ZNF607: variants seen among roughly 807,000 people sequenced by gnomAD.
The protein encoded by ZNF607 is zinc finger protein 607.
A neutral mutation model predicts 12.8 loss-of-function variants in ZNF607; 5 were observed. The ratio of observed to expected loss-of-function variants is 0.39; its 90% CI spans 0.20 to 0.82. The LOEUF (loss-of-function observed/expected upper bound fraction) is 0.82, where lower values mean the gene tolerates loss of function less well. Ranked by LOEUF, ZNF607 falls within the 40% of genes least tolerant of loss-of-function variation. ZNF607 has a pLI of 0.39. For missense variants in ZNF607, 851 were observed against 859.2 expected (o/e 0.99, Z 0.12); for synonymous variants, 287 against 276.2 (o/e 1.04, Z -0.39).
intron 4 of ZNF607, among the ~76,000 whole-genome samples, chr19:37,701,259 A>AT (rs1375244139): frequency 2.0e-5 from 3 of 152,220 alleles, no homozygotes; most frequent in Non-Finnish European, 4.4e-5. Flanking sequence ...GTAGTGTTGA[A>AT]TATGAATTCT....
At chr19:37,714,954 T>A (rs1007113054) in intron 1 of ZNF607, among the ~76,000 whole-genome samples, 1 of 152,116 alleles carries the variant, frequency 6.6e-6, no homozygotes, top group Non-Finnish European at 1.5e-5. Flanking sequence ...TCGCCCAGGC[T>A]GGAGTGCAGT....
In ZNF607 at chr19:37,696,737, C is replaced by G; in HGVS notation, c.*1303G>C. The G allele has an allele frequency of 9.6e-7, 1 of 1,043,064 alleles. No individual in the cohort carries two copies. Among genetic ancestry groups the G allele is most frequent in the Non-Finnish European group, 1.5e-6 (1 of 674,002 alleles). The allele number at this position is 1,043,064 out of a possible 1,614,324, so 64.6% of individuals were successfully genotyped here. A position where few individuals can be genotyped will look rare whatever the true frequency, so the allele number is the denominator to read the frequency against. ...TCCAGCTTGCACAGCTCGCTCTGGC[C>G]GTCCCCTGCAGTGGCCAGTGAGTTG... On this transcript the variant is annotated 3_prime_UTR_variant, in exon 5 of 5. Transcript: ENST00000355202.
At position 37,698,819 on chromosome 19, in the gene ZNF607, G is replaced by A. The variant is rs2045006881; in HGVS notation, c.1312C>T (p.His438Tyr). The change falls in exon 5 of 5, where the codon CAT becomes TAT. Residue 438 changes from histidine to tyrosine, a missense_variant. Coordinates refer to ENST00000355202, the MANE Select transcript of ZNF607 (RefSeq NM_032689.5). ...TAACCAGTATGAATTCTGTTATGATGGGCAAGGTGTGCACGCTGACTGAAG... is the reference window on the plus strand; with the variant it reads ...TAACCAGTATGAATTCTGTTATGATAGGCAAGGTGTGCACGCTGACTGAAG... ...KAFSQRAHLA[H>Y]HNRIHTGYKP... The A allele has an allele frequency of 6.2e-7, 1 of 1,613,262 alleles. No homozygotes were observed. Among genetic ancestry groups the A allele is most frequent in the East Asian group, 2.2e-5 (1 of 44,836 alleles).
At chr19:37,707,017 G>A (rs968747478) in intron 4 of ZNF607, among the ~76,000 whole-genome samples, 1 of 152,166 alleles carries the variant, frequency 6.6e-6, no homozygotes, top group African/African-American at 2.4e-5. Context: ...GTAGAGATGG[G>A]GTTTCGCCAT....
intron 4 of ZNF607, among the ~76,000 whole-genome samples, chr19:37,707,642 T>C (rs1359650348): frequency 6.6e-6 from 1 of 151,798 alleles, no homozygotes; most frequent in Non-Finnish European, 1.5e-5. Context: ...TGGTATGCAC[T>C]TGTGGTCCCA....
chr19:37,705,199 C>T (rs1227550742), intron 4 of ZNF607, among the ~76,000 whole-genome samples: 1 of 152,062 alleles, frequency 6.6e-6, no homozygotes, highest in Non-Finnish European at 1.5e-5. Flanking sequence ...ATAAATGACC[C>T]ATTTCAGGAA....
intron 4 of ZNF607, among the ~76,000 whole-genome samples, chr19:37,702,564 G>A (rs1386748171): frequency 6.6e-6 from 1 of 152,116 alleles, no homozygotes; most frequent in Non-Finnish European, 1.5e-5. Flanking sequence ...ATGCTAACAA[G>A]TTATTTAGGC....
intron 4 of ZNF607, among the ~76,000 whole-genome samples, chr19:37,704,019 C>T (rs535514301): frequency 1.5e-4 from 23 of 151,922 alleles, no homozygotes; most frequent in African/African-American, 5.3e-4. Context: ...TCTGTAGTCC[C>T]AGCTACTCAG....
chr19:37,707,800 G>T, intron 4 of ZNF607, 114 bp downstream of exon 4: 1 of 804,312 alleles, frequency 1.2e-6, no homozygotes, highest in Non-Finnish European at 2.0e-6. Flanking sequence ...CCTCCTCGCT[G>T]AGAAGGGAAA....
rs761969519 is a variant in ZNF607, at chr19:37,698,285, G to T, written c.1846C>A (p.Pro616Thr). The T allele has an allele frequency of 6.2e-7, 1 of 1,614,082 alleles. No individual in the cohort carries two copies. The highest frequency in any genetic ancestry group is 1.7e-5 in the Admixed American group (1 of 60,010). ...IHERIHTSDK[P>T]YECKRCGKAF... ...TTCCCACATCTTTTACATTCATAGG[G>T]TTTATCACTGGTATGAATTCTCTCA... Residue 616 changes from proline to threonine, a missense_variant, in exon 5 of 5, where the codon CCC (proline) becomes ACC (threonine). Transcript: ENST00000355202.
Position 37,711,658 on chromosome 19 carries a change from C to G in ZNF607, c.-40G>C, listed in dbSNP as rs1229289076. 6 of 1,611,542 alleles carry G rather than the reference C, an allele frequency of 3.7e-6. No individual in the cohort carries two copies. Among genetic ancestry groups the G allele is most frequent in the Non-Finnish European group, 5.1e-6 (6 of 1,178,144 alleles). On this transcript the variant is annotated 5_prime_UTR_variant, in exon 2 of 5. Transcript: ENST00000355202. ...AAGAGTTGATCAGTCCTTGGCGTTT[C>G]TCTACCAGAAGAGCAAAGTCAAAAG...
In ZNF607 at chr19:37,696,371, T is replaced by C; in HGVS notation, c.*1669A>G. ...AAAAATAACACAAGTAATGATATTA[T>C]TATATACAGAAGCTAATGTTTATTG... is the stretch of plus-strand genomic sequence containing the variant. On this transcript the variant is annotated 3_prime_UTR_variant, in exon 5 of 5. Coordinates refer to ENST00000355202, the MANE Select transcript of ZNF607 (RefSeq NM_032689.5). 1 of 172,682 alleles carries C rather than the reference T, an allele frequency of 5.8e-6. No homozygotes were observed. The highest frequency in any genetic ancestry group is 1.2e-5 in the Non-Finnish European group (1 of 81,618). The allele number at this position is 172,682 out of a possible 1,614,324, so 10.7% of individuals were successfully genotyped here. A position where few individuals can be genotyped will look rare whatever the true frequency, so the allele number is the denominator to read the frequency against.
chr19:37,699,519 T>C lies in ZNF607; in HGVS notation c.612A>G (p.Glu204=), dbSNP rs2045018840. Residue 204 remains glutamate, a synonymous_variant, in exon 5 of 5, where the codon GAA becomes GAG. Transcript: ENST00000355202. ...EKPYECKECG[E]AFRTSRQLTV... ...TAAGTTGACGGCTAGTCCTAAAAGC[T>C]TCCCCACACTCTTTACATTCATAGG... is the stretch of plus-strand genomic sequence containing the variant. The C allele has an allele frequency of 6.2e-7, 1 of 1,613,870 alleles. No individual in the cohort carries two copies. Among genetic ancestry groups the C allele is most frequent in the Non-Finnish European group, 8.5e-7 (1 of 1,179,900 alleles).
At chr19:37,706,606 C>G (rs1421630078) in intron 4 of ZNF607, 1 of 152,192 alleles carries the variant, frequency 6.6e-6, no homozygotes, top group Non-Finnish European at 1.5e-5. Context: ...TAAGGTATTT[C>G]AGAGGGGACG....
Position 37,696,944 on chromosome 19 carries a change from G to A in ZNF607, c.*1096C>T. On this transcript the variant is annotated 3_prime_UTR_variant, in exon 5 of 5. Transcript: ENST00000355202. ...CAAAGGTGGCTGCTCACTCCATAAG[G>A]TTGTTGCTCACCTGGCTGGAGACCA... 1 of 685,058 alleles carries A rather than the reference G, an allele frequency of 1.5e-6. No individual in the cohort carries two copies. The highest frequency in any genetic ancestry group is 2.1e-5 in the Admixed American group (1 of 48,778). 42.4% of individuals were successfully genotyped at this position (685,058 alleles called of 1,614,324 possible). A position where few individuals can be genotyped will look rare whatever the true frequency, so the allele number is the denominator to read the frequency against.
In ZNF607 at chr19:37,699,602, TC is replaced by T. The variant is rs750763507; in HGVS notation, c.528del (p.Lys177ArgfsTer348). ...REKPYECEEC[G>X]KVFSYPANLA... ...AGGTTTGCAGGATAACTGAAGACCT[TC>T]CCACATTCTTCACATTCATAAGGTT... is the stretch of plus-strand genomic sequence containing the variant. On this transcript the variant is annotated frameshift_variant, in exon 5 of 5. Transcript: ENST00000355202. LOFTEE classifies it low-confidence loss of function (END_TRUNC). 5 of 1,614,168 alleles carry T rather than the reference TC, an allele frequency of 3.1e-6. No individual in the cohort carries two copies. The highest frequency in any genetic ancestry group is 4.2e-6 in the Non-Finnish European group (5 of 1,180,040).
chr19:37,716,097 A>C (rs542555382), intron 1 of ZNF607, among the ~76,000 whole-genome samples: 1 of 152,300 alleles, frequency 6.6e-6, no homozygotes, highest in African/African-American at 2.4e-5. Context: ...CCCATGTCAA[A>C]AGACCTAGTT....
chr19:37,717,747 A>C (rs1372330713), intron 1 of ZNF607, among the ~76,000 whole-genome samples: 1 of 145,974 alleles, frequency 6.9e-6, no homozygotes, highest in Admixed American at 7.0e-5. Context: ...CGGAGGTTGC[A>C]GTGAGCAGAG....
chr19:37,696,953 C>T lies in ZNF607; in HGVS notation c.*1087G>A. On this transcript the variant is annotated 3_prime_UTR_variant, in exon 5 of 5. Coordinates refer to ENST00000355202, the MANE Select transcript of ZNF607 (RefSeq NM_032689.5). ...CTGCTCACTCCATAAGGTTGTTGCT[C>T]ACCTGGCTGGAGACCAGCTCCCTCT... 1.4e-6 allele frequency: 1 copy of T among 691,496 alleles called. No individual in the cohort carries two copies. Among genetic ancestry groups the T allele is most frequent in the Non-Finnish European group, 2.6e-6 (1 of 380,278 alleles). 42.8% of individuals were successfully genotyped at this position (691,496 alleles called of 1,614,324 possible). A position where few individuals can be genotyped will look rare whatever the true frequency, so the allele number is the denominator to read the frequency against.
Sources: gnomAD v4.1 joint callset for allele counts (sites outside exome capture counted in the v4.1 genomes callset) on GRCh38, gnomAD v4.1.1 for gene constraint, MANE v1.5 for transcripts, NCBI Gene and HGNC (gene_info 2026-07-23, HGNC 2026-07-21) for gene names.